The following PTN variants were observed in gnomAD, a reference collection of about 807,000 sequenced individuals.
PTN encodes the protein pleiotrophin, also known as heparin affin regulatory protein.
Under a neutral mutation model 24.1 loss-of-function variants are expected in PTN, and 18 were observed. That is an observed-to-expected ratio of 0.75 (90% CI 0.52 to 1.11). The LOEUF (loss-of-function observed/expected upper bound fraction) is 1.11. PTN is among the 50% of genes least tolerant of loss of function. The probability of loss-of-function intolerance (pLI) is 0.00; values close to 1 mark genes in which losing one functional copy is unlikely to be tolerated. For missense variants in PTN, 163 were observed against 198.8 expected, an observed-to-expected ratio of 0.82 and a Z score of 1.08; for synonymous variants, 78 against 68.6, an observed-to-expected ratio of 1.14 and a Z score of -0.67.
At chr7:137,301,800 G>T (rs1001953666) in intron 1 of PTN, among the ~76,000 whole-genome samples, 10 of 151,850 alleles carry the variant, frequency 6.6e-5, no homozygotes, top group Non-Finnish European at 1.5e-4. Context: ...TGTTTTGTTT[G>T]CTTTTTGATT....
At chr7:137,283,602 T>A (rs1809506620) in intron 1 of PTN, among the ~76,000 whole-genome samples, 1 of 152,162 alleles carries the variant, frequency 6.6e-6, no homozygotes, top group Non-Finnish European at 1.5e-5. Flanking sequence ...GTTTAAAACT[T>A]CAAGTGGCCT....
rs561547605 is a variant in PTN at position 137,328,404 on chromosome 7, C to A, written c.-2+15035G>T. ...GGGCATGGAGAATCCATCACCTAAC[C>A]TTTCCCAGCCTCTGTTCATCTGTGT... On this transcript the variant is annotated intron_variant, in intron 1 of 4. Transcript: ENST00000348225. 1.2e-4 allele frequency among the ~76,000 whole-genome samples: 18 copies of A among 152,338 alleles called. No individual in the cohort carries two copies. In the South Asian group the frequency reaches 1.9e-3, roughly 16 times the overall value.
At chr7:137,322,656 T>C (rs902418088) in intron 1 of PTN, among the ~76,000 whole-genome samples, 2 of 152,218 alleles carry the variant, frequency 1.3e-5, no homozygotes, top group African/African-American at 2.4e-5. Context: ...GTAAAGTGTT[T>C]GGTTTTGCAA....
At chr7:137,323,727 C>T (rs779233906) in intron 1 of PTN, among the ~76,000 whole-genome samples, 5 of 152,158 alleles carry the variant, frequency 3.3e-5, no homozygotes, top group Non-Finnish European at 7.3e-5. Flanking sequence ...TCAATGGTCT[C>T]AAACTCGATC....
chr7:137,297,830 G>A (rs1313978775), intron 1 of PTN, among the ~76,000 whole-genome samples: 1 of 152,018 alleles, frequency 6.6e-6, no homozygotes, highest in African/African-American at 2.4e-5. Context: ...AGCTGGAGGT[G>A]CAAATAGAAG....
At chr7:137,333,433 T>C (rs1054900642) in intron 1 of PTN, among the ~76,000 whole-genome samples, 5 of 152,182 alleles carry the variant, frequency 3.3e-5, no homozygotes, top group African/African-American at 1.2e-4. Flanking sequence ...GTTACCACAA[T>C]ATGTTCCTTA....
chr7:137,336,843 T>C (rs759717207), intron 1 of PTN, among the ~76,000 whole-genome samples: 4 of 152,202 alleles, frequency 2.6e-5, no homozygotes, highest in African/African-American at 4.8e-5. Context: ...TGTTCAGTAC[T>C]TCACATTGAT....
At chr7:137,318,854 T>A (rs139399757) in intron 1 of PTN, 1 of 152,210 alleles carries the variant, frequency 6.6e-6, no homozygotes, top group Non-Finnish European at 1.5e-5. Context: ...TCAAGTGAGA[T>A]AAGGTATGTA....
chr7:137,258,138 GA>G (rs144485306), intron 1 of PTN, among the ~76,000 whole-genome samples: 1 of 151,676 alleles, frequency 6.6e-6, no homozygotes, highest in African/African-American at 2.4e-5. Flanking sequence ...TGATTTCAAG[GA>G]AAAAAACACA....
Position 137,267,409 on chromosome 7 carries a change from G to A in PTN, c.-1-12435C>T, listed in dbSNP as rs982376029. ...TCTTAACTACTGTTGGGGGGAAGGGGGTCTAAAACCAGCTGTAACTGTCTA... is the reference window on the plus strand; with the variant it reads ...TCTTAACTACTGTTGGGGGGAAGGGAGTCTAAAACCAGCTGTAACTGTCTA... On this transcript the variant is annotated intron_variant, in intron 1 of 4. Coordinates refer to ENST00000348225, the MANE Select transcript of PTN (RefSeq NM_002825.7). 3.3e-5 allele frequency among the ~76,000 whole-genome samples: 5 copies of A among 152,076 alleles called. No individual in the cohort carries two copies. In the Middle Eastern group the frequency reaches 0.014, roughly 414 times the overall value.
intron 1 of PTN, among the ~76,000 whole-genome samples, chr7:137,312,382 T>A (rs1809996495): frequency 6.6e-6 from 1 of 152,224 alleles, no homozygotes; most frequent in Admixed American, 6.5e-5. Context: ...GACAAGGAAC[T>A]AAGCAGTGGG....
At chr7:137,287,299 C>T (rs1313915702) in intron 1 of PTN, among the ~76,000 whole-genome samples, 1 of 152,196 alleles carries the variant, frequency 6.6e-6, no homozygotes, top group Non-Finnish European at 1.5e-5. Context: ...TTTCAAATAA[C>T]TTCTATTTCC....
At chr7:137,314,091 G>A (rs891643137) in intron 1 of PTN, among the ~76,000 whole-genome samples, 79 of 151,838 alleles carry the variant, frequency 5.2e-4, no homozygotes, top group African/African-American at 1.9e-3. Context: ...AGTGATGAGC[G>A]GGACTAGAAA....
chr7:137,306,310 C>T (rs898596740), intron 1 of PTN, among the ~76,000 whole-genome samples: 2 of 152,062 alleles, frequency 1.3e-5, no homozygotes, highest in African/African-American at 4.8e-5. Context: ...GGTGACATCA[C>T]ATCGGATTGC....
Position 137,253,632 on chromosome 7 carries a change from T to C in PTN, c.121A>G (p.Lys41Glu). The change falls in exon 3 of 5, where the codon AAA becomes GAA. Residue 41 changes from lysine to glutamate, a missense_variant. Lys to Glu is a moderately conservative substitution (Grantham distance 56). Transcript: ENST00000348225. ...TCTCCACAGTCAGACTTCTTCACTT[T>C]TTTTTCTGAATGAAAGGAGGAAAAC... ...EAGKKEKPEKKVKKSDCGEWQ... is the reference protein window; with the variant it reads ...EAGKKEKPEKEVKKSDCGEWQ... 6.5e-7 allele frequency: 1 copy of C among 1,541,426 alleles called. No individual in the cohort carries two copies. The highest frequency in any genetic ancestry group is 8.8e-7 in the Non-Finnish European group (1 of 1,138,634).
intron 1 of PTN, among the ~76,000 whole-genome samples, chr7:137,278,434 T>G (rs1229826505): frequency 6.6e-6 from 1 of 151,846 alleles, no homozygotes; most frequent in East Asian, 1.9e-4. Flanking sequence ...ATATATATAT[T>G]TTCTAAAAGG....
chr7:137,261,014 T>C (rs1809028345), intron 1 of PTN, among the ~76,000 whole-genome samples: 1 of 152,146 alleles, frequency 6.6e-6, no homozygotes, highest in Non-Finnish European at 1.5e-5. Context: ...TTCTTTCCTT[T>C]TATTTATCTA....
chr7:137,230,911 T>C (rs550437927), intron 4 of PTN, among the ~76,000 whole-genome samples: 1 of 152,010 alleles, frequency 6.6e-6, no homozygotes, highest in South Asian at 2.1e-4. Flanking sequence ...CTTTGTCTGT[T>C]TTTCTCTCTA....
intron 1 of PTN, among the ~76,000 whole-genome samples, chr7:137,262,934 T>C (rs2923720): frequency 2.6e-5 from 4 of 152,154 alleles, no homozygotes; most frequent in Non-Finnish European, 5.9e-5. Flanking sequence ...TACCTGCCTT[T>C]TGTTTCTCTT....
Sources: allele counts gnomAD v4.1 joint callset (sites outside exome capture counted in the v4.1 genomes callset), GRCh38; gene constraint gnomAD v4.1.1; transcripts MANE v1.5; gene names NCBI Gene and HGNC (gene_info 2026-07-23, HGNC 2026-07-21).